The following CHST11 variants were observed in gnomAD, a reference collection of about 807,000 sequenced individuals.
The protein encoded by CHST11 is carbohydrate sulfotransferase 11, also known as C4S-1.
Under a neutral mutation model 30.4 loss-of-function variants are expected in CHST11, and 9 were observed. That is an observed-to-expected ratio of 0.30 (90% CI 0.18 to 0.52). The LOEUF (loss-of-function observed/expected upper bound fraction) is 0.52. Among genes scored for constraint, CHST11 ranks in the 20% least tolerant of loss-of-function variants. The pLI is 0.97. For missense variants in CHST11, 348 were observed against 460.6 expected, an observed-to-expected ratio of 0.76 and a Z score of 2.24; for synonymous variants, 152 against 187.8, an observed-to-expected ratio of 0.81 and a Z score of 1.56.
chr12:104,593,176 C>T lies in CHST11; in HGVS notation c.119-8730C>T, dbSNP rs375053557. 6.6e-5 allele frequency among the ~76,000 whole-genome samples: 10 copies of T among 152,140 alleles called. No individual in the cohort carries two copies. In the East Asian group the frequency reaches 7.7e-4, roughly 12 times the overall value. ...CAACCACCTTCTACAGGCTGGGCGT[C>T]GGGAGGGGCTCTTGCTTTGAGGAGC... On this transcript the variant is annotated intron_variant, in intron 1 of 2. Transcript: ENST00000303694.
intron 1 of CHST11, among the ~76,000 whole-genome samples, chr12:104,563,605 A>G (rs1408453809): frequency 6.6e-6 from 1 of 152,204 alleles, no homozygotes. Context: ...TAGCCTTTTC[A>G]TCCATAAATG....
intron 1 of CHST11, among the ~76,000 whole-genome samples, chr12:104,550,955 G>A (rs2038398264): frequency 6.6e-6 from 1 of 152,126 alleles, no homozygotes; most frequent in Non-Finnish European, 1.5e-5. Context: ...CCTCACGTCT[G>A]TAATTTTTTT....
At chr12:104,749,836 C>T (rs2040415730) in intron 2 of CHST11, among the ~76,000 whole-genome samples, 1 of 152,254 alleles carries the variant, frequency 6.6e-6, no homozygotes, top group South Asian at 2.1e-4. Flanking sequence ...GAATTCCTCT[C>T]TTCCGTCTGG....
chr12:104,572,098 C>A (rs1459191334), intron 1 of CHST11, among the ~76,000 whole-genome samples: 1 of 151,882 alleles, frequency 6.6e-6, no homozygotes, highest in African/African-American at 2.4e-5. Flanking sequence ...TTTTGATGTG[C>A]TGCTGGATTC....
At chr12:104,602,979 C>T (rs1266190032) in intron 2 of CHST11, among the ~76,000 whole-genome samples, 2 of 152,106 alleles carry the variant, frequency 1.3e-5, no homozygotes, top group Non-Finnish European at 2.9e-5. Context: ...AAAATGGACT[C>T]CTGAATTTAT....
At chr12:104,728,984 C>T (rs1329349954) in intron 2 of CHST11, among the ~76,000 whole-genome samples, 1 of 152,188 alleles carries the variant, frequency 6.6e-6, no homozygotes, top group Non-Finnish European at 1.5e-5. Flanking sequence ...CCAATTAAAA[C>T]ATACCCCAAA....
intron 1 of CHST11, among the ~76,000 whole-genome samples, chr12:104,592,788 A>G (rs776668842): frequency 7.2e-5 from 11 of 152,188 alleles, no homozygotes; most frequent in Non-Finnish European, 1.2e-4. Flanking sequence ...TGTCAGGTTG[A>G]CAACTGATTT....
chr12:104,489,992 A>G (rs1181133754), intron 1 of CHST11, among the ~76,000 whole-genome samples: 1 of 152,222 alleles, frequency 6.6e-6, no homozygotes, highest in Non-Finnish European at 1.5e-5. Flanking sequence ...TGCAGCTTCT[A>G]CTTGGAGCCT....
At chr12:104,634,398 C>T (rs185085297) in intron 2 of CHST11, among the ~76,000 whole-genome samples, 2 of 152,294 alleles carry the variant, frequency 1.3e-5, no homozygotes, top group Admixed American at 1.3e-4. Flanking sequence ...CTGAATTACA[C>T]AGCCTGTTAG....
intron 1 of CHST11, among the ~76,000 whole-genome samples, chr12:104,523,135 AG>A (rs2038089767): frequency 6.6e-6 from 1 of 152,246 alleles, no homozygotes; most frequent in South Asian, 2.1e-4. Flanking sequence ...AGGCCACCAT[AG>A]GGTTTGCCTT....
chr12:104,651,485 A>G (rs190384676), intron 2 of CHST11, among the ~76,000 whole-genome samples: 3 of 152,284 alleles, frequency 2.0e-5, no homozygotes, highest in East Asian at 3.9e-4. Flanking sequence ...ATAAAATATT[A>G]CCTTGGAACC....
intron 1 of CHST11, among the ~76,000 whole-genome samples, chr12:104,475,309 A>G (rs141052055): frequency 3.9e-5 from 6 of 152,202 alleles, no homozygotes; most frequent in Non-Finnish European, 8.8e-5. Flanking sequence ...TGACAGACCC[A>G]TAATTGTTAG....
intron 1 of CHST11, among the ~76,000 whole-genome samples, chr12:104,489,123 ACCT>A (rs1343303402): frequency 7.5e-5 from 11 of 146,624 alleles, no homozygotes; most frequent in African/African-American, 2.8e-4. Flanking sequence ...TGCAACCTCC[ACCT>A]CCCAAGTTCA....
chr12:104,668,701 T>C (rs769256704), intron 2 of CHST11, among the ~76,000 whole-genome samples: 1 of 152,154 alleles, frequency 6.6e-6, no homozygotes, highest in African/African-American at 2.4e-5. Context: ...GTCTGTCCGA[T>C]GGCAGCAACC....
chr12:104,726,073 C>G (rs1442282849), intron 2 of CHST11, among the ~76,000 whole-genome samples: 1 of 152,154 alleles, frequency 6.6e-6, no homozygotes, highest in South Asian at 2.1e-4. Flanking sequence ...GTGAATAGGC[C>G]TGAGCCAAGC....
chr12:104,618,693 A>G (rs1001125078), intron 2 of CHST11, among the ~76,000 whole-genome samples: 1 of 152,154 alleles, frequency 6.6e-6, no homozygotes, highest in African/African-American at 2.4e-5. Flanking sequence ...TCACATTCAG[A>G]CAGCCTTTCA....
At chr12:104,608,522 C>T (rs1241897528) in intron 2 of CHST11, among the ~76,000 whole-genome samples, 3 of 152,168 alleles carry the variant, frequency 2.0e-5, no homozygotes, top group Non-Finnish European at 1.5e-5. Context: ...TACTTGCAGT[C>T]AGTTCCTCTC....
At chr12:104,651,977 C>T (rs1241689336) in intron 2 of CHST11, among the ~76,000 whole-genome samples, 1 of 152,206 alleles carries the variant, frequency 6.6e-6, no homozygotes, top group East Asian at 1.9e-4. Context: ...CAGCCCCTGA[C>T]TTCTGCATTT....
chr12:104,457,620 A>G (rs1593942940), intron 1 of CHST11, 91 bp downstream of exon 1: 5 of 942,010 alleles, frequency 5.3e-6, no homozygotes, highest in South Asian at 1.3e-5. Context: ...TTCCAACCCT[A>G]CCTCTCCGCC....
Sources: allele counts gnomAD v4.1 joint callset (sites outside exome capture counted in the v4.1 genomes callset), GRCh38; gene constraint gnomAD v4.1.1; transcripts MANE v1.5; gene names NCBI Gene and HGNC (gene_info 2026-07-23, HGNC 2026-07-21).